The following ITGA5 variants were observed in gnomAD, a reference collection of about 807,000 sequenced individuals.
ITGA5 encodes the protein integrin alpha-5.
ITGA5 carries 55 observed loss-of-function variants against 146.3 expected under a neutral mutation model. That is an observed-to-expected ratio of 0.38 (90% CI 0.30 to 0.47). The LOEUF is 0.47. Ranked by LOEUF, ITGA5 falls within the 20% of genes least tolerant of loss-of-function variation. The probability of loss-of-function intolerance (pLI) is 0.99; values close to 1 mark genes in which losing one functional copy is unlikely to be tolerated. For synonymous variants in ITGA5, 500 were observed against 531.8 expected (o/e 0.94, Z 0.82); for missense variants, 1,131 against 1,329.0 (o/e 0.85, Z 2.32).
At chr12:54,408,690 A>G in intron 6 of ITGA5, 66 bp downstream of exon 6, 1 of 1,452,236 alleles carries the variant, frequency 6.9e-7, no homozygotes, top group South Asian at 1.2e-5. Context: ...AGCCTGGGTG[A>G]CAGAGTGAGA....
intron 29 of ITGA5, 88 bp from the exon 30 acceptor site, chr12:54,396,464 T>G: frequency 3.9e-6 from 4 of 1,031,776 alleles, no homozygotes; most frequent in Non-Finnish European, 6.0e-6. Context: ...AGGAGGACTC[T>G]AGTGCCTCCA....
At position 54,403,976 on chromosome 12, in the gene ITGA5, G is replaced by A. The variant is rs769390980; in HGVS notation, c.1566-10C>T. 7.4e-6 allele frequency: 12 copies of A among 1,614,040 alleles called. No homozygotes were observed. In the East Asian group the frequency reaches 1.6e-4, roughly 21 times the overall value. On this transcript the variant is annotated splice_polypyrimidine_tract_variant and intron_variant, in intron 15 of 29. Transcript: ENST00000293379. This position sits in a 1 kb window ranked among gnomAD's most constrained non-coding sequence, Gnocchi z 4.9. ...GAAGCTAAGGTTGATGCTGGAGAGA[G>A]ACCAAGAAGAAAGCTGGTGAATCCA...
intron 25 of ITGA5, chr12:54,400,197 A>T: frequency 2.0e-6 from 1 of 501,304 alleles, no homozygotes; most frequent in Non-Finnish European, 3.6e-6. Flanking sequence ...CTGTTTTTGC[A>T]CTGGATGTTC....
chr12:54,418,073 G>A (rs1476367342), intron 1 of ITGA5, among the ~76,000 whole-genome samples: 1 of 152,084 alleles, frequency 6.6e-6, no homozygotes, highest in East Asian at 1.9e-4. Flanking sequence ...TTGGCCCCAC[G>A]GAGCCCCCGT....
rs1401019148 is a variant in ITGA5, at chr12:54,403,904, C to T, written c.1621+7G>A. Reference sequence around the variant, plus strand: ...AGGGCCTGAGAGATCCAGGCAGTCTCCCTCACCAATGGAGTCAGCAACGTG... The same window carrying T: ...AGGGCCTGAGAGATCCAGGCAGTCTTCCTCACCAATGGAGTCAGCAACGTG... On this transcript the variant is annotated splice_region_variant and intron_variant, in intron 16 of 29. Coordinates refer to ENST00000293379, the MANE Select transcript of ITGA5 (RefSeq NM_002205.5). The surrounding 1 kb of genome is among the most constrained non-coding windows in gnomAD (Gnocchi z 4.9). 3.1e-6 allele frequency: 5 copies of T among 1,613,992 alleles called. No homozygotes were observed. Among genetic ancestry groups the T allele is most frequent in the South Asian group, 1.1e-5 (1 of 91,090 alleles).
At chr12:54,411,793 A>G (rs748956915) in intron 2 of ITGA5, 41 bp downstream of exon 2, 2 of 1,346,410 alleles carry the variant, frequency 1.5e-6, no homozygotes, top group Admixed American at 2.7e-5. Context: ...CCCAGGCTGC[A>G]GTCCCACCCC....
intron 1 of ITGA5, among the ~76,000 whole-genome samples, chr12:54,415,017 A>G (rs1056741097): frequency 1.3e-5 from 2 of 151,904 alleles, no homozygotes; most frequent in Non-Finnish European, 2.9e-5. Flanking sequence ...GCGTGGTGGC[A>G]CATGCCTGTA....
intron 13 of ITGA5, 57 bp downstream of exon 13, chr12:54,404,646 G>A: frequency 6.6e-7 from 1 of 1,525,030 alleles, no homozygotes; most frequent in Non-Finnish European, 9.1e-7. Context: ...AGAAGAGAGA[G>A]TAGGGGTCAG....
Position 54,404,898 on chromosome 12 carries a change from G to A in ITGA5, c.1226-4C>T. The A allele has an allele frequency of 6.4e-7, 1 of 1,562,674 alleles. No homozygotes were observed. Among genetic ancestry groups the A allele is most frequent in the South Asian group, 1.2e-5 (1 of 82,286 alleles). ...AAGGGAGCCCCGATGGCCACATCTGGAAGACACAGAACACACACTAGTCAG... is the reference window on the plus strand; with the variant it reads ...AAGGGAGCCCCGATGGCCACATCTGAAAGACACAGAACACACACTAGTCAG... On this transcript the variant is annotated splice_polypyrimidine_tract_variant and splice_region_variant and intron_variant, in intron 12 of 29. Transcript: ENST00000293379.
In ITGA5 at chr12:54,401,555, CAGAA is replaced by C. The variant is rs1462901294; in HGVS notation, c.2387+26_2387+29del. 19 of 1,612,040 alleles carry C rather than the reference CAGAA, an allele frequency of 1.2e-5. No homozygotes were observed. Among genetic ancestry groups the C allele is most frequent in the Non-Finnish European group, 1.4e-5 (17 of 1,178,272 alleles). On this transcript the variant is annotated intron_variant, in intron 23 of 29. Coordinates refer to ENST00000293379, the MANE Select transcript of ITGA5 (RefSeq NM_002205.5). This position sits in a 1 kb window ranked among gnomAD's most constrained non-coding sequence, Gnocchi z 5.0. Reference sequence around the variant, plus strand: ...TTCCCTAGAAGTCTGTGTCCCCTCTCAGAAAGACCCCATTTTGCCTGGCACTGAC... The same window carrying C: ...TTCCCTAGAAGTCTGTGTCCCCTCTCAGACCCCATTTTGCCTGGCACTGAC...
At position 54,409,470 on chromosome 12, in the gene ITGA5, T is replaced by C; in HGVS notation, c.462+15A>G. Reference sequence around the variant, plus strand: ...TCCCCTGGCCACCACACCACTGAGCTTGCTGGCCCCTCACCAAGATGGAGG... The same window carrying C: ...TCCCCTGGCCACCACACCACTGAGCCTGCTGGCCCCTCACCAAGATGGAGG... On this transcript the variant is annotated intron_variant, in intron 3 of 29. Transcript: ENST00000293379. The surrounding 1 kb of genome is among the most constrained non-coding windows in gnomAD (Gnocchi z 4.7). The C allele has an allele frequency of 6.2e-7, 1 of 1,611,072 alleles. No individual in the cohort carries two copies. The highest frequency in any genetic ancestry group is 1.3e-5 in the African/African-American group (1 of 75,016).
Position 54,404,211 on chromosome 12 carries a change from G to C in ITGA5, c.1499C>G (p.Thr500Ser). Residue 500 changes from threonine (T) to serine (S), a missense_variant, in exon 15 of 30, where the codon ACC becomes AGC. Transcript: ENST00000293379. ...TGGGTTGAACATGGCGGGGAAGATG[G>C]TGAGGGAGGCACTAGCGGACACGAT... ...RPIVSASASL[T>S]IFPAMFNPEE... 6.2e-7 allele frequency: 1 copy of C among 1,602,522 alleles called. No homozygotes were observed. Among genetic ancestry groups the C allele is most frequent in the South Asian group, 1.1e-5 (1 of 89,088 alleles).
chr12:54,408,868 C>T, intron 5 of ITGA5, 25 bp downstream of exon 5: 2 of 1,613,948 alleles, frequency 1.2e-6, no homozygotes, highest in Non-Finnish European at 1.7e-6. Context: ...CCCACGGCCC[C>T]TTCTCTCCCA....
In ITGA5 at chr12:54,401,381, C is replaced by T. The variant is rs1364771262; in HGVS notation, c.2485G>A (p.Val829Ile). 6.2e-7 allele frequency: 1 copy of T among 1,610,686 alleles called. No homozygotes were observed. The highest frequency in any genetic ancestry group is 1.7e-5 in the Admixed American group (1 of 60,010). Residue 829 changes from valine (V) to isoleucine (I), a missense_variant, in exon 24 of 30, where the codon GTC (valine) becomes ATC (isoleucine). Val to Ile is a conservative substitution (Grantham distance 29). Transcript: ENST00000293379. The surrounding 1 kb of genome is among the most constrained non-coding windows in gnomAD (Gnocchi z 5.0). ...GCCCCTTCCCCCCTTACCTCATAGA[C>T]ATGGTGGACAGCAGGTCCCAGGTCC... is the stretch of plus-strand genomic sequence containing the variant. ...EEDLGPAVHHVYELINQGPSS... is the reference protein window; with the variant it reads ...EEDLGPAVHHIYELINQGPSS...
At position 54,409,787 on chromosome 12, in the gene ITGA5, C is replaced by T; in HGVS notation, c.350-190G>A. ...AGTCTGTTTGTGTAGCCTGACTTATCTCTCCACTACACACATACACATACA... is the reference window on the plus strand; with the variant it reads ...AGTCTGTTTGTGTAGCCTGACTTATTTCTCCACTACACACATACACATACA... On this transcript the variant is annotated intron_variant, in intron 2 of 29. Transcript: ENST00000293379. This position sits in a 1 kb window ranked among gnomAD's most constrained non-coding sequence, Gnocchi z 4.7. 1.7e-6 allele frequency: 1 copy of T among 576,876 alleles called. No homozygotes were observed. The highest frequency in any genetic ancestry group is 3.0e-5 in the Admixed American group (1 of 32,792). The allele number at this position is 576,876 out of a possible 1,614,324, so 35.7% of individuals were successfully genotyped here.
In ITGA5 at chr12:54,400,885, G is replaced by A. The variant is rs1265325964; in HGVS notation, c.2604C>T (p.Asn868=). ...LLYVTRVTGL[N]CTTNHPINPK... ...GGTTAATGGGGTGATTGGTGGTGCA[G>A]TTGAGTCCCGTAACTCTGGTCACAT... Residue 868 remains asparagine (N), a synonymous_variant, in exon 25 of 30, where the codon AAC becomes AAT. Coordinates refer to ENST00000293379, the MANE Select transcript of ITGA5 (RefSeq NM_002205.5). 1 of 1,614,130 alleles carries A rather than the reference G, an allele frequency of 6.2e-7. No individual in the cohort carries two copies.
rs572438989 is a variant in ITGA5, at chr12:54,408,424, G to A, written c.692-189C>T. ...TAGGGTGGGAGGCTATGTGCCAGGG[G>A]ACTTAAAGAATGGCAGAAACAGGCA... is the stretch of plus-strand genomic sequence containing the variant. On this transcript the variant is annotated intron_variant, in intron 6 of 29. Transcript: ENST00000293379. Among the ~76,000 whole-genome samples, 912 of 152,084 alleles carry A rather than the reference G, an allele frequency of 6.0e-3. 4 individuals are homozygous for A. The highest frequency in any genetic ancestry group is 0.01 in the Non-Finnish European group (707 of 67,958).
At chr12:54,412,391 C>T (rs1955957994) in intron 1 of ITGA5, 2 of 154,036 alleles carry the variant, frequency 1.3e-5, no homozygotes, top group African/African-American at 2.4e-5. Flanking sequence ...TATATACTCT[C>T]CTCCCAAGCC....
Position 54,403,655 on chromosome 12 carries a change from C to A in ITGA5, c.1746G>T (p.Glu582Asp). The A allele has an allele frequency of 6.2e-7, 1 of 1,614,120 alleles. No individual in the cohort carries two copies. The highest frequency in any genetic ancestry group is 2.2e-5 in the East Asian group (1 of 44,890). Reference protein sequence around the residue: ...QTLLIQNGAREDCREMKIYLR... With the variant: ...QTLLIQNGARDDCREMKIYLR... The stretch of plus-strand genomic sequence containing the variant: ...GGTAGATCTTCATCTCTCTGCAATC[C>A]TCTCGAGCCCCATTCTGGATGAGCA... The change falls in exon 17 of 30, where the codon GAG becomes GAT. Residue 582 changes from glutamate to aspartate, a missense_variant. Around this residue, in one of 3 missense-constraint regions of ITGA5, gnomAD observed 889 missense variants for 1,021.5 expected, o/e 0.87. Transcript: ENST00000293379. The surrounding 1 kb of genome is among the most constrained non-coding windows in gnomAD (Gnocchi z 4.9).
Sources: gnomAD v4.1 joint callset for allele counts (sites outside exome capture counted in the v4.1 genomes callset) on GRCh38, gnomAD v4.1.1 for gene constraint, gnomAD v4.1.1 regional missense constraint, Gnocchi (gnomAD v3.1) non-coding constraint, MANE v1.5 for transcripts, NCBI Gene and HGNC (gene_info 2026-07-23, HGNC 2026-07-21) for gene names.